PDE1C: variants seen among roughly 807,000 people sequenced by gnomAD.
PDE1C encodes dual specificity calcium/calmodulin-dependent 3',5'-cyclic nucleotide phosphodiesterase 1C.
Under a neutral mutation model 93.1 loss-of-function variants are expected in PDE1C, and 62 were observed. The ratio of observed to expected loss-of-function variants is 0.67; its 90% CI spans 0.54 to 0.82. The LOEUF is 0.82. Among genes scored for constraint, PDE1C ranks in the 40% least tolerant of loss-of-function variants. The pLI is 0.00. For synonymous variants in PDE1C, 325 were observed against 310.1 expected, an observed-to-expected ratio of 1.05 and a Z score of -0.50; for missense variants, 742 against 884.6, an observed-to-expected ratio of 0.84 and a Z score of 2.04.
At chr7:32,014,293 A>C (rs1279116362) in intron 2 of PDE1C, among the ~76,000 whole-genome samples, 2 of 54,488 alleles carry the variant, frequency 3.7e-5, no homozygotes, top group African/African-American at 1.9e-4. Context: ...TTTAAAAGCT[A>C]TAACGTCAAA....
At chr7:32,066,822 T>C (rs1795461809) in intron 1 of PDE1C, among the ~76,000 whole-genome samples, 1 of 152,192 alleles carries the variant, frequency 6.6e-6, no homozygotes, top group African/African-American at 2.4e-5. Context: ...CAACAGCTCA[T>C]TGGGAGGAAC....
At position 32,420,124 on chromosome 7, in the gene PDE1C, T is replaced by TATATATATATAC. The variant is rs1207972839; in HGVS notation, c.310+7697_310+7698insGTATATATATAT. On this transcript the variant is annotated intron_variant, in intron 1 of 1. Transcript: ENST00000672256. ...ATATATATATATATATATATATATA[T>TATATATATATAC]ACACACACACACACACACACACACA... 5.5e-3 allele frequency among the ~76,000 whole-genome samples: 72 copies of TATATATATATAC among 13,088 alleles called. 7 individuals carry two copies. The highest frequency in any genetic ancestry group is 0.038 in the Middle Eastern group (1 of 26). The allele number at this position is 13,088 out of a possible 152,430, so 8.6% of individuals were successfully genotyped here.
chr7:31,800,504 T>G (rs1785868573), intron 16 of PDE1C, among the ~76,000 whole-genome samples: 1 of 151,578 alleles, frequency 6.6e-6, no homozygotes, highest in Non-Finnish European at 1.5e-5. Flanking sequence ...CATTTTCCCT[T>G]GGAATTGTCT....
chr7:31,690,476 A>G, the PDE1C span, among the ~76,000 whole-genome samples: 1 of 152,232 alleles, frequency 6.6e-6, no homozygotes, highest in Non-Finnish European at 1.5e-5. Flanking sequence ...ATTTTATTGT[A>G]GCAGACTTAA....
chr7:32,341,470 C>A (rs938151786), intron 1 of PDE1C, among the ~76,000 whole-genome samples: 2 of 151,992 alleles, frequency 1.3e-5, no homozygotes, highest in Non-Finnish European at 2.9e-5. Context: ...CCACCGCGCC[C>A]GGCCTATTTT....
chr7:32,063,889 C>T (rs1362757210), intron 1 of PDE1C, among the ~76,000 whole-genome samples: 1 of 152,010 alleles, frequency 6.6e-6, no homozygotes, highest in Non-Finnish European at 1.5e-5. Context: ...ATCTTGTTTC[C>T]CTCAATATAT....
intron 3 of PDE1C, among the ~76,000 whole-genome samples, chr7:32,163,133 G>T (rs932033056): frequency 2.0e-5 from 3 of 152,172 alleles, no homozygotes; most frequent in Non-Finnish European, 4.4e-5. Context: ...AGGAGAGTAG[G>T]TGTCCCCAGA....
chr7:31,989,225 G>C (rs1354393151), intron 2 of PDE1C, among the ~76,000 whole-genome samples: 1 of 152,050 alleles, frequency 6.6e-6, no homozygotes, highest in Admixed American at 6.6e-5. Context: ...ATTTTCATTT[G>C]TGTTAAGGTC....
Position 32,313,090 on chromosome 7 carries a change from G to A in PDE1C, c.311-103551C>T, listed in dbSNP as rs982505212. On this transcript the variant is annotated intron_variant, in intron 1 of 1. Transcript: ENST00000672256. ...CAAACAACCCCATCAAAAAGTGGGC[G>A]AAGGATATGAATAGACACTCCTCAA... Among the ~76,000 whole-genome samples, 117 of 151,966 alleles carry A rather than the reference G, an allele frequency of 7.7e-4. 1 individual carries two copies. The highest frequency in any genetic ancestry group is 4.3e-3 in the Admixed American group (66 of 15,278).
intron 12 of PDE1C, among the ~76,000 whole-genome samples, chr7:31,827,722 G>A (rs917026209): frequency 2.0e-5 from 3 of 152,080 alleles, no homozygotes; most frequent in African/African-American, 7.2e-5. Context: ...GGGCACTGGT[G>A]TCCTCTCCCA....
chr7:31,848,417 CT>C (rs1792897739), intron 8 of PDE1C, among the ~76,000 whole-genome samples: 1 of 152,174 alleles, frequency 6.6e-6, no homozygotes, highest in Non-Finnish European at 1.5e-5. Flanking sequence ...TCATGTCAAA[CT>C]TCTTTATATT....
chr7:32,339,028 A>ACG (rs1313579311), intron 1 of PDE1C, among the ~76,000 whole-genome samples: 1 of 151,634 alleles, frequency 6.6e-6, no homozygotes, highest in East Asian at 1.9e-4. Flanking sequence ...ACACACACAC[A>ACG]CACACACACA....
the PDE1C span, among the ~76,000 whole-genome samples, chr7:31,629,423 G>A: frequency 1.3e-5 from 2 of 152,162 alleles, no homozygotes; most frequent in Non-Finnish European, 2.9e-5. Context: ...ACAATGGCCT[G>A]TTTTCCTTCC....
intron 16 of PDE1C, among the ~76,000 whole-genome samples, chr7:31,806,778 A>G (rs923057709): frequency 1.3e-5 from 2 of 151,886 alleles, no homozygotes; most frequent in Non-Finnish European, 2.9e-5. Flanking sequence ...CTAGTCACCA[A>G]TGGTTCCCAG....
At chr7:31,963,804 G>A (rs533140927) in intron 2 of PDE1C, among the ~76,000 whole-genome samples, 7 of 152,264 alleles carry the variant, frequency 4.6e-5, no homozygotes, top group African/African-American at 1.7e-4. Context: ...AGGCTAGAGA[G>A]GGTTATGAAA....
intron 3 of PDE1C, among the ~76,000 whole-genome samples, chr7:31,880,487 G>A (rs531669441): frequency 4.6e-5 from 7 of 152,172 alleles, no homozygotes; most frequent in South Asian, 4.2e-4. Context: ...TTAAAAATTC[G>A]TTTTTCTCCT....
intron 16 of PDE1C, among the ~76,000 whole-genome samples, chr7:31,802,108 A>G (rs903290676): frequency 2.0e-5 from 3 of 151,346 alleles, no homozygotes; most frequent in African/African-American, 7.3e-5. Context: ...TGATCTTCCT[A>G]TTTGTTTTCT....
chr7:32,368,854 G>A (rs1307853571), intron 1 of PDE1C, among the ~76,000 whole-genome samples: 1 of 152,052 alleles, frequency 6.6e-6, no homozygotes, highest in East Asian at 1.9e-4. Flanking sequence ...TGTATCTACT[G>A]CCAATTTATT....
At chr7:32,083,113 T>C (rs2128738642) in intron 3 of PDE1C, among the ~76,000 whole-genome samples, 1 of 152,114 alleles carries the variant, frequency 6.6e-6, no homozygotes, top group African/African-American at 2.4e-5. Flanking sequence ...GAAAAAAATT[T>C]AGACGAATGT....
Sources: allele counts gnomAD v4.1 joint callset (sites outside exome capture counted in the v4.1 genomes callset), GRCh38; gene constraint gnomAD v4.1.1; transcripts MANE v1.5; gene names NCBI Gene and HGNC (gene_info 2026-07-23, HGNC 2026-07-21).